Variants in PKIB observed in about 807,000 individuals in gnomAD.
PKIB encodes the protein PKI-beta.
In PKIB, 2 loss-of-function variants were observed where a neutral mutation model predicts 4.5. That is an observed-to-expected ratio of 0.44 (90% CI 0.18 to 1.39). The LOEUF is 1.39. Ranked by LOEUF, PKIB falls within the 40% of genes most tolerant of loss-of-function variation. PKIB has a pLI of 0.27. For missense variants in PKIB, 94 were observed against 92.6 expected, an observed-to-expected ratio of 1.02 and a Z score of -0.06; for synonymous variants, 38 against 36.0, an observed-to-expected ratio of 1.06 and a Z score of -0.20.
chr6:122,514,890 G>A (rs1776698497), intron 2 of PKIB, among the ~76,000 whole-genome samples: 1 of 152,164 alleles, frequency 6.6e-6, no homozygotes, highest in Admixed American at 6.5e-5. Flanking sequence ...ACTGGAGTGG[G>A]GTAACCCATA....
At chr6:122,628,060 A>AC (rs1457834616) in intron 1 of PKIB, among the ~76,000 whole-genome samples, 1 of 147,016 alleles carries the variant, frequency 6.8e-6, no homozygotes, top group African/African-American at 2.5e-5. Flanking sequence ...TTTTTTTGAG[A>AC]CAGAGTTTTG....
At chr6:122,649,441 A>ACT (rs1346373601) in intron 2 of PKIB, among the ~76,000 whole-genome samples, 1 of 152,040 alleles carries the variant, frequency 6.6e-6, no homozygotes, top group Non-Finnish European at 1.5e-5. Context: ...TCTGTAAACC[A>ACT]CTCTGAAATC....
At chr6:122,642,040 G>A (rs1043938606) in intron 2 of PKIB, among the ~76,000 whole-genome samples, 1 of 152,190 alleles carries the variant, frequency 6.6e-6, no homozygotes, top group South Asian at 2.1e-4. Context: ...CAGACACCCA[G>A]CTAGCTGATT....
At chr6:122,660,058 G>T (rs1046653760) in intron 2 of PKIB, among the ~76,000 whole-genome samples, 4 of 152,172 alleles carry the variant, frequency 2.6e-5, no homozygotes, top group Admixed American at 1.3e-4. Context: ...AAATGAGTTA[G>T]AAATGTCAAA....
intron 3 of PKIB, among the ~76,000 whole-genome samples, chr6:122,712,461 A>G (rs902700862): frequency 6.6e-6 from 1 of 152,172 alleles, no homozygotes. Flanking sequence ...CATGTAGCAT[A>G]AGGGATTAGG....
At chr6:122,601,491 C>T (rs1378041708) in intron 3 of PKIB, among the ~76,000 whole-genome samples, 2 of 152,040 alleles carry the variant, frequency 1.3e-5, no homozygotes, top group African/African-American at 4.8e-5. Flanking sequence ...AAGGGATCTC[C>T]ATCAAGTACT....
At chr6:122,641,083 C>T (rs372034242) in intron 2 of PKIB, among the ~76,000 whole-genome samples, 2 of 152,170 alleles carry the variant, frequency 1.3e-5, no homozygotes, top group African/African-American at 4.8e-5. Flanking sequence ...TAAGTCTCCT[C>T]TCAGAAGCTC....
At chr6:122,712,924 C>CTTT (rs1381091159) in intron 3 of PKIB, among the ~76,000 whole-genome samples, 1 of 152,156 alleles carries the variant, frequency 6.6e-6, no homozygotes, top group Non-Finnish European at 1.5e-5. Context: ...CTAACATCCT[C>CTTT]TTTTTCTTAG....
At chr6:122,533,973 T>A (rs1777332274) in intron 2 of PKIB, among the ~76,000 whole-genome samples, 2 of 151,892 alleles carry the variant, frequency 1.3e-5, no homozygotes, top group South Asian at 4.2e-4. Flanking sequence ...TTATCACATC[T>A]TGTATTTTGG....
chr6:122,587,805 T>G (rs562275252), intron 3 of PKIB, among the ~76,000 whole-genome samples: 19 of 152,164 alleles, frequency 1.2e-4, no homozygotes, highest in African/African-American at 4.6e-4. Context: ...TCATGTGTCT[T>G]TTGGCTGCAT....
At chr6:122,590,298 A>G (rs1271906167) in intron 3 of PKIB, among the ~76,000 whole-genome samples, 1 of 152,210 alleles carries the variant, frequency 6.6e-6, no homozygotes, top group Non-Finnish European at 1.5e-5. Flanking sequence ...GGGAAGCTAT[A>G]TAGTGTGGAG....
At chr6:122,611,631 T>G (rs1160077446) in intron 1 of PKIB, among the ~76,000 whole-genome samples, 30 of 152,206 alleles carry the variant, frequency 2.0e-4, no homozygotes, top group Admixed American at 2.0e-3. Context: ...ATTTCAAAAT[T>G]CATCTGTCCA....
intron 3 of PKIB, among the ~76,000 whole-genome samples, chr6:122,676,130 T>G (rs1455789652): frequency 2.0e-5 from 3 of 151,822 alleles, no homozygotes; most frequent in Non-Finnish European, 4.4e-5. Flanking sequence ...TGAGCTTGTT[T>G]TCCTGCAACT....
chr6:122,495,142 G>C (rs1057137217), intron 2 of PKIB, among the ~76,000 whole-genome samples: 2 of 152,190 alleles, frequency 1.3e-5, no homozygotes, highest in Non-Finnish European at 2.9e-5. Context: ...ATTTTGGTTG[G>C]TGACAGCTCC....
intron 2 of PKIB, among the ~76,000 whole-genome samples, chr6:122,494,266 G>C (rs1776017068): frequency 6.6e-6 from 1 of 152,200 alleles, no homozygotes; most frequent in Non-Finnish European, 1.5e-5. Flanking sequence ...CTGCTTGCTA[G>C]TTTGGAAGTT....
At chr6:122,572,157 G>T (rs1048404947) in intron 2 of PKIB, among the ~76,000 whole-genome samples, 1 of 151,952 alleles carries the variant, frequency 6.6e-6, no homozygotes, top group Non-Finnish European at 1.5e-5. Flanking sequence ...TCTTACATTA[G>T]ACAAACCAGA....
chr6:122,587,610 C>T (rs1231526164), intron 3 of PKIB, among the ~76,000 whole-genome samples: 1 of 152,168 alleles, frequency 6.6e-6, no homozygotes, highest in Non-Finnish European at 1.5e-5. Flanking sequence ...ACACTGACTT[C>T]CACAATGGTT....
intron 2 of PKIB, among the ~76,000 whole-genome samples, chr6:122,538,690 A>G (rs1777487316): frequency 6.6e-6 from 1 of 152,012 alleles, no homozygotes; most frequent in Non-Finnish European, 1.5e-5. Context: ...ATGAACTTTA[A>G]AGTAGTTTTT....
chr6:122,659,409 A>G (rs1273479223), intron 2 of PKIB, among the ~76,000 whole-genome samples: 2 of 152,210 alleles, frequency 1.3e-5, no homozygotes, highest in African/African-American at 4.8e-5. Context: ...GACATTGTGC[A>G]TAATCGATCT....
Sources: gnomAD v4.1 joint callset for allele counts (sites outside exome capture counted in the v4.1 genomes callset) on GRCh38, gnomAD v4.1.1 for gene constraint, MANE v1.5 for transcripts, NCBI Gene and HGNC (gene_info 2026-07-23, HGNC 2026-07-21) for gene names.